The following PTPRD variants were observed in gnomAD, a reference collection of about 807,000 sequenced individuals.
PTPRD encodes the protein receptor-type tyrosine-protein phosphatase delta.
PTPRD carries 34 observed loss-of-function variants against 214.5 expected under a neutral mutation model. The ratio of observed to expected loss-of-function variants is 0.16; its 90% CI spans 0.12 to 0.21. The LOEUF is 0.21. Among genes scored for constraint, PTPRD ranks in the 10% least tolerant of loss-of-function variants. The pLI is 1.00. For synonymous variants in PTPRD, 1,128 were observed against 845.7 expected (o/e 1.33, Z -5.79); for missense variants, 2,545 against 2,398.7 (o/e 1.06, Z -1.27).
chr9:10,159,749 T>C (rs905191955), intron 3 of PTPRD, among the ~76,000 whole-genome samples: 1 of 151,604 alleles, frequency 6.6e-6, no homozygotes, highest in Non-Finnish European at 1.5e-5. Context: ...AGTAACAGAA[T>C]GGATCAAGCA....
intron 35 of PTPRD, among the ~76,000 whole-genome samples, chr9:8,421,370 TTCTCTC>T (rs1554921173): frequency 6.8e-6 from 1 of 146,644 alleles, no homozygotes; most frequent in Non-Finnish European, 1.5e-5. Flanking sequence ...TTCTCTTCTC[TTCTCTC>T]TCTCTCTCTC....
chr9:10,393,833 C>T (rs140555995), intron 2 of PTPRD, among the ~76,000 whole-genome samples: 6 of 148,228 alleles, frequency 4.0e-5, no homozygotes, highest in Middle Eastern at 3.6e-3. Context: ...TTATATGATT[C>T]GAAGTAATGC....
At chr9:9,234,005 TA>T (rs2099964885) in intron 9 of PTPRD, among the ~76,000 whole-genome samples, 1 of 152,122 alleles carries the variant, frequency 6.6e-6, no homozygotes, top group Non-Finnish European at 1.5e-5. Context: ...CTCCACTAGG[TA>T]GTGCCCCGGT....
intron 5 of PTPRD, among the ~76,000 whole-genome samples, chr9:9,897,462 C>G (rs2075311407): frequency 6.6e-6 from 1 of 151,504 alleles, no homozygotes; most frequent in Non-Finnish European, 1.5e-5. Flanking sequence ...TTTAGGAAAC[C>G]AAAAAAAGTT....
rs34045121 is a variant in PTPRD at position 10,111,229 on chromosome 9, C to CTTTT, written c.-544-77443_-544-77440dup. Among the ~76,000 whole-genome samples the CTTTT allele has an allele frequency of 5.9e-3, 423 of 72,188 alleles. 69 individuals are homozygous for CTTTT. The highest frequency in any genetic ancestry group is 0.023 in the African/African-American group (398 of 17,512). 47.4% of individuals were successfully genotyped at this position (72,188 alleles called of 152,430 possible). On this transcript the variant is annotated intron_variant, in intron 3 of 45. Transcript: ENST00000381196. ...AATCTGTGTGCTTCCAGTTTAGTTTCTTTTTTTTTTTTTTTTTTTTTTTTT... is the reference window on the plus strand; with the variant it reads ...AATCTGTGTGCTTCCAGTTTAGTTTCTTTTTTTTTTTTTTTTTTTTTTTTTTTTT...
At chr9:9,932,985 T>C (rs1449491986) in intron 5 of PTPRD, among the ~76,000 whole-genome samples, 6 of 150,140 alleles carry the variant, frequency 4.0e-5, no homozygotes, top group African/African-American at 1.5e-4. Flanking sequence ...CTAAGCTTCA[T>C]AAGTGAAGGA....
rs186665425 is a variant in PTPRD at position 9,134,561 on chromosome 9, C to T, written c.-143+48743G>A. 3.9e-5 allele frequency among the ~76,000 whole-genome samples: 6 copies of T among 152,248 alleles called. No homozygotes were observed. In the East Asian group the frequency reaches 1.2e-3, roughly 29 times the overall value. ...TTTTAAATTGGTACCACATCTCTTT[C>T]CACACAAAATTCAGTGATTTTCCAA... On this transcript the variant is annotated intron_variant, in intron 10 of 45. Transcript: ENST00000381196.
chr9:8,531,394 A>G (rs1335952185), intron 14 of PTPRD, among the ~76,000 whole-genome samples: 1 of 152,114 alleles, frequency 6.6e-6, no homozygotes, highest in African/African-American at 2.4e-5. Flanking sequence ...AAAGGAGCAG[A>G]AAGATCAATA....
chr9:9,673,062 A>T (rs1355668301), intron 7 of PTPRD, among the ~76,000 whole-genome samples: 1 of 152,000 alleles, frequency 6.6e-6, no homozygotes, highest in Admixed American at 6.6e-5. Context: ...GTCTGTTAAT[A>T]GTGATTCAAG....
intron 3 of PTPRD, among the ~76,000 whole-genome samples, chr9:10,321,123 C>T (rs758361318): frequency 1.5e-4 from 23 of 151,790 alleles, no homozygotes; most frequent in Non-Finnish European, 2.2e-4. Context: ...TTTAGTAATG[C>T]GACATACTTT....
intron 5 of PTPRD, among the ~76,000 whole-genome samples, chr9:9,927,617 C>T (rs768206901): frequency 1.2e-4 from 18 of 152,128 alleles, no homozygotes; most frequent in Non-Finnish European, 2.5e-4. Context: ...CGTGTGTGTA[C>T]ATAATAACAT....
chr9:9,586,575 C>G (rs1051776940), intron 7 of PTPRD, among the ~76,000 whole-genome samples: 3 of 151,938 alleles, frequency 2.0e-5, no homozygotes, highest in African/African-American at 7.2e-5. Flanking sequence ...TTATTTCCTA[C>G]AATTCTATGA....
At chr9:8,387,001 T>C (rs376999473) in intron 37 of PTPRD, among the ~76,000 whole-genome samples, 184 of 152,238 alleles carry the variant, frequency 1.2e-3, no homozygotes, top group African/African-American at 4.2e-3. Flanking sequence ...GGCTCATGTG[T>C]ATTGTCAGAT....
intron 14 of PTPRD, among the ~76,000 whole-genome samples, chr9:8,629,615 T>C (rs1444367875): frequency 6.6e-6 from 1 of 151,774 alleles, no homozygotes; most frequent in African/African-American, 2.4e-5. Context: ...CCTCAGTACA[T>C]CCTAAGGCCT....
At chr9:8,510,816 G>A (rs2097663046) in intron 21 of PTPRD, among the ~76,000 whole-genome samples, 1 of 151,962 alleles carries the variant, frequency 6.6e-6, no homozygotes, top group African/African-American at 2.4e-5. Context: ...TTTAAATAAG[G>A]TATAAAATGA....
chr9:8,660,997 G>T (rs1206251504), intron 12 of PTPRD, among the ~76,000 whole-genome samples: 1 of 151,938 alleles, frequency 6.6e-6, no homozygotes, highest in East Asian at 1.9e-4. Flanking sequence ...CACTCACTCT[G>T]GCTATGAAAG....
intron 33 of PTPRD, among the ~76,000 whole-genome samples, chr9:8,458,813 G>C (rs1336278010): frequency 6.6e-6 from 1 of 152,014 alleles, no homozygotes; most frequent in African/African-American, 2.4e-5. Flanking sequence ...CAAATGAGAG[G>C]AGATTTTGGC....
chr9:9,654,877 T>C (rs1348940922), intron 7 of PTPRD, among the ~76,000 whole-genome samples: 1 of 152,174 alleles, frequency 6.6e-6, no homozygotes, highest in Non-Finnish European at 1.5e-5. Flanking sequence ...AAATTGGTCA[T>C]AGCAATGATA....
chr9:10,276,577 A>G (rs552179088), intron 3 of PTPRD, among the ~76,000 whole-genome samples: 10 of 152,346 alleles, frequency 6.6e-5, no homozygotes, highest in African/African-American at 2.2e-4. Context: ...TCTAATATCG[A>G]AAGTCATAGT....
Sources: gnomAD v4.1 joint callset for allele counts (sites outside exome capture counted in the v4.1 genomes callset) on GRCh38, gnomAD v4.1.1 for gene constraint, MANE v1.5 for transcripts, NCBI Gene and HGNC (gene_info 2026-07-23, HGNC 2026-07-21) for gene names.